ACOXL: variants seen among roughly 807,000 people sequenced by gnomAD.
ACOXL encodes the protein acyl-coenzyme A oxidase-like protein.
ACOXL carries 70 observed loss-of-function variants against 71.9 expected under a neutral mutation model. The observed-to-expected ratio is 0.97, with a 90% CI of 0.80 to 1.19. ACOXL has a LOEUF of 1.19. ACOXL is among the 50% of genes most tolerant of loss of function. The pLI is 0.00. For missense variants in ACOXL, 703 were observed against 736.3 expected, an observed-to-expected ratio of 0.95 and a Z score of 0.52; for synonymous variants, 253 against 281.6, an observed-to-expected ratio of 0.90 and a Z score of 1.02.
At chr2:110,915,180 G>GT (rs2059792827) in intron 11 of ACOXL, among the ~76,000 whole-genome samples, 1 of 150,506 alleles carries the variant, frequency 6.6e-6, no homozygotes, top group Non-Finnish European at 1.5e-5. Flanking sequence ...TTGGCTGAGT[G>GT]TTTTTTTCAT....
chr2:110,784,589 G>A, intron 2 of ACOXL, 143 bp from the exon 3 acceptor site: 1 of 561,386 alleles, frequency 1.8e-6, no homozygotes, highest in Non-Finnish European at 3.0e-6. Context: ...GTAGAATGAT[G>A]GAATTGTTTC....
intron 1 of ACOXL, among the ~76,000 whole-genome samples, chr2:110,763,562 TAAATGTA>T (rs1440067297): frequency 6.6e-6 from 1 of 152,088 alleles, no homozygotes; most frequent in Non-Finnish European, 1.5e-5. Context: ...ATCACAGGCC[TAAATGTA>T]AAATGTAAAA....
chr2:111,004,358 G>A (rs892138340), intron 14 of ACOXL, among the ~76,000 whole-genome samples: 1 of 152,122 alleles, frequency 6.6e-6, no homozygotes, highest in Non-Finnish European at 1.5e-5. Context: ...CCCCTTACCC[G>A]GGAGCAAGTG....
At chr2:110,740,436 A>G (rs1432882460) in intron 1 of ACOXL, among the ~76,000 whole-genome samples, 1 of 152,188 alleles carries the variant, frequency 6.6e-6, no homozygotes, top group Non-Finnish European at 1.5e-5. Flanking sequence ...TCTGCAGCAC[A>G]TGAACCATGA....
chr2:110,875,067 G>A (rs1695740922), intron 10 of ACOXL, among the ~76,000 whole-genome samples: 1 of 152,156 alleles, frequency 6.6e-6, no homozygotes, highest in African/African-American at 2.4e-5. Flanking sequence ...GCTCCGCTCC[G>A]TAACCTGAAG....
At chr2:110,972,608 ATC>A (rs1264796849) in intron 12 of ACOXL, among the ~76,000 whole-genome samples, 1 of 149,214 alleles carries the variant, frequency 6.7e-6, no homozygotes, top group East Asian at 2.0e-4. Flanking sequence ...ACACACATGC[ATC>A]TCTGTCTCTC....
At chr2:111,069,145 CTTTTTTT>C (rs1234410019) in intron 16 of ACOXL, among the ~76,000 whole-genome samples, 7 of 135,308 alleles carry the variant, frequency 5.2e-5, no homozygotes, top group African/African-American at 5.4e-5. Context: ...TCTTCTTTTT[CTTTTTTT>C]TTTTTTTTTT....
intron 14 of ACOXL, among the ~76,000 whole-genome samples, chr2:111,026,298 A>G (rs2065013970): frequency 6.6e-6 from 1 of 152,144 alleles, no homozygotes; most frequent in African/African-American, 2.4e-5. Context: ...TACCATACTC[A>G]CACAAAATAA....
In ACOXL at chr2:111,038,710, C is replaced by T. The variant is rs530243324; in HGVS notation, c.1369+6996C>T. The stretch of plus-strand genomic sequence containing the variant: ...ATAGGAACTCTTGATTTATCATACA[C>T]ACTCTAGATATAATTTTGTATTTAA... On this transcript the variant is annotated intron_variant, in intron 15 of 17. Coordinates refer to ENST00000439055, the MANE Select transcript of ACOXL (RefSeq NM_001142807.4). Among the ~76,000 whole-genome samples the T allele has an allele frequency of 2.6e-5, 4 of 152,328 alleles. No homozygotes were observed. In the East Asian group the frequency reaches 5.8e-4, roughly 22 times the overall value.
At chr2:110,845,802 T>C (rs1239439925) in intron 10 of ACOXL, among the ~76,000 whole-genome samples, 5 of 152,236 alleles carry the variant, frequency 3.3e-5, no homozygotes, top group Non-Finnish European at 7.3e-5. Flanking sequence ...ATAGCATGTA[T>C]AGGCCACGTT....
At chr2:110,905,593 A>G (rs757230562) in intron 10 of ACOXL, among the ~76,000 whole-genome samples, 28 of 152,196 alleles carry the variant, frequency 1.8e-4, no homozygotes, top group Non-Finnish European at 3.2e-4. Context: ...GCTGATGCCA[A>G]TTTATTCTGG....
At chr2:110,844,376 C>A (rs912722071) in intron 10 of ACOXL, among the ~76,000 whole-genome samples, 1 of 152,126 alleles carries the variant, frequency 6.6e-6, no homozygotes, top group Non-Finnish European at 1.5e-5. Flanking sequence ...TGGGGACAAA[C>A]CTACCTTCTG....
intron 10 of ACOXL, among the ~76,000 whole-genome samples, chr2:110,849,749 A>AAAAC (rs71383889): frequency 0.11 from 16,583 of 151,056 alleles, 1,069 homozygotes; most frequent in South Asian, 0.21. Context: ...CAGAGTGAGA[A>AAAAC]AAACAAACAA....
chr2:110,861,909 G>T (rs1312810303), intron 10 of ACOXL, among the ~76,000 whole-genome samples: 1 of 152,212 alleles, frequency 6.6e-6, no homozygotes, highest in Non-Finnish European at 1.5e-5. Context: ...AATTGTCCAT[G>T]TAGTGTCGTG....
chr2:110,980,635 C>T (rs1027509929), intron 12 of ACOXL, among the ~76,000 whole-genome samples: 2 of 152,152 alleles, frequency 1.3e-5, no homozygotes, highest in African/African-American at 4.8e-5. Context: ...CCTGCTGAGT[C>T]TCCACGCTGG....
chr2:111,114,811 T>A (rs1349385281), intron 17 of ACOXL, among the ~76,000 whole-genome samples: 1 of 151,684 alleles, frequency 6.6e-6, no homozygotes, highest in East Asian at 1.9e-4. Context: ...AGCAGAAAAA[T>A]AAATTGAGTA....
intron 10 of ACOXL, among the ~76,000 whole-genome samples, chr2:110,895,484 A>C (rs2058971427): frequency 6.6e-6 from 1 of 152,176 alleles, no homozygotes; most frequent in Admixed American, 6.5e-5. Flanking sequence ...AAAGAATGAA[A>C]TAGGAGGGCT....
intron 11 of ACOXL, among the ~76,000 whole-genome samples, chr2:110,924,844 G>A (rs2060214228): frequency 6.8e-6 from 1 of 147,268 alleles, no homozygotes; most frequent in Non-Finnish European, 1.5e-5. Flanking sequence ...AATTCACCTA[G>A]GTCCCTAAGA....
intron 9 of ACOXL, among the ~76,000 whole-genome samples, chr2:110,821,188 G>A (rs953327252): frequency 1.3e-5 from 2 of 152,182 alleles, no homozygotes; most frequent in East Asian, 1.9e-4. Context: ...TCAGTTTGAT[G>A]TCATTCTTTC....
Sources: allele counts gnomAD v4.1 joint callset (sites outside exome capture counted in the v4.1 genomes callset), GRCh38; gene constraint gnomAD v4.1.1; transcripts MANE v1.5; gene names NCBI Gene and HGNC (gene_info 2026-07-23, HGNC 2026-07-21).